Variants in PCDHA12 observed in about 807,000 individuals in gnomAD.
The protein encoded by PCDHA12 is protocadherin alpha-12.
A neutral mutation model predicts 60.0 loss-of-function variants in PCDHA12; 44 were observed. The ratio of observed to expected loss-of-function variants is 0.73; its 90% CI spans 0.58 to 0.94. PCDHA12 has a LOEUF of 0.94. Ranked by LOEUF, PCDHA12 falls within the 40% of genes least tolerant of loss-of-function variation. The pLI, the probability that PCDHA12 is intolerant of heterozygous loss-of-function variation, is 0.00. For synonymous variants in PCDHA12, 569 were observed against 553.0 expected, an observed-to-expected ratio of 1.03 and a Z score of -0.40; for missense variants, 1,276 against 1,239.7, an observed-to-expected ratio of 1.03 and a Z score of -0.44.
intron 1 of PCDHA12, among the ~76,000 whole-genome samples, chr5:140,949,857 G>A (rs1554219193): frequency 6.6e-6 from 1 of 151,520 alleles, no homozygotes; most frequent in East Asian, 1.9e-4. Context: ...CCGCTTATCT[G>A]TTGTCTTTTG....
intron 3 of PCDHA12, among the ~76,000 whole-genome samples, chr5:141,000,421 ATTTT>A (rs34755515): frequency 0.018 from 509 of 27,798 alleles, 2 homozygotes; most frequent in African/African-American, 0.027. Context: ...ATATATATAT[ATTTT>A]TTTTTTTTTT....
At chr5:140,928,760 T>G (rs782568767) in intron 1 of PCDHA12, 6 of 1,614,060 alleles carry the variant, frequency 3.7e-6, no homozygotes, top group Non-Finnish European at 5.1e-6. Flanking sequence ...ACTGCTCGCT[T>G]AGTTCTTCCC....
chr5:140,949,685 G>A (rs1044878374), intron 1 of PCDHA12, among the ~76,000 whole-genome samples: 4 of 151,794 alleles, frequency 2.6e-5, no homozygotes, highest in East Asian at 1.9e-4. Flanking sequence ...TTGTTGAAGC[G>A]TATTGTTGGA....
rs58232896 is a variant in PCDHA12 at position 140,946,262 on chromosome 5, C to T, written c.2368-32687C>T. Among the ~76,000 whole-genome samples the T allele has an allele frequency of 3.4e-3, 520 of 151,790 alleles. 2 individuals are homozygous for T. Among genetic ancestry groups the T allele is most frequent in the African/African-American group, 0.012 (483 of 41,394 alleles). On this transcript the variant is annotated intron_variant, in intron 1 of 3. Transcript: ENST00000398631. Reference sequence around the variant, plus strand: ...AACATCATGAATCATCAGAAAAATGCGAATTAAAACCCCAATGAGATATCA... The same window carrying T: ...AACATCATGAATCATCAGAAAAATGTGAATTAAAACCCCAATGAGATATCA...
intron 2 of PCDHA12, among the ~76,000 whole-genome samples, chr5:140,981,738 A>C: frequency 6.6e-6 from 1 of 152,114 alleles, no homozygotes. Flanking sequence ...TGAGAGATTA[A>C]TATGAGTTAG....
intron 1 of PCDHA12, among the ~76,000 whole-genome samples, chr5:140,896,646 G>C (rs1330006792): frequency 6.6e-6 from 1 of 152,078 alleles, no homozygotes; most frequent in Non-Finnish European, 1.5e-5. Flanking sequence ...CAAAGTGCTA[G>C]TATTACAGGC....
chr5:140,909,935 A>G (rs2074774035), intron 1 of PCDHA12, among the ~76,000 whole-genome samples: 1 of 152,154 alleles, frequency 6.6e-6, no homozygotes, highest in Admixed American at 6.5e-5. Flanking sequence ...AATCACAGTT[A>G]CTCTGGTAAA....
chr5:140,882,852 T>C, intron 1 of PCDHA12: 2 of 1,614,216 alleles, frequency 1.2e-6, no homozygotes, highest in Non-Finnish European at 1.7e-6. Flanking sequence ...TTATCACTTG[T>C]ACTGAGGAAA....
intron 1 of PCDHA12, among the ~76,000 whole-genome samples, chr5:140,959,596 A>G (rs2095498979): frequency 6.6e-6 from 1 of 152,224 alleles, no homozygotes; most frequent in Non-Finnish European, 1.5e-5. Flanking sequence ...AGCCAAGTAT[A>G]ACATGCTTTT....
At chr5:140,998,118 G>A (rs545818682) in intron 3 of PCDHA12, among the ~76,000 whole-genome samples, 5 of 152,282 alleles carry the variant, frequency 3.3e-5, no homozygotes, top group Admixed American at 1.3e-4. Flanking sequence ...AAATTTACTT[G>A]TGAATCATAA....
At chr5:141,000,389 CTCTCTCTATA>C (rs1363755181) in intron 3 of PCDHA12, among the ~76,000 whole-genome samples, 150 of 62,510 alleles carry the variant, frequency 2.4e-3, no homozygotes, top group African/African-American at 5.3e-3. Context: ...CTCTCTCTCT[CTCTCTCTATA>C]TATATATATA....
chr5:140,956,132 C>T (rs782171826), intron 1 of PCDHA12, among the ~76,000 whole-genome samples: 1 of 152,028 alleles, frequency 6.6e-6, no homozygotes, highest in African/African-American at 2.4e-5. Context: ...ATTTGAATAC[C>T]CTTTATTTCT....
chr5:140,919,954 T>G (rs1159524037), intron 1 of PCDHA12, among the ~76,000 whole-genome samples: 2 of 149,936 alleles, frequency 1.3e-5, no homozygotes, highest in East Asian at 4.0e-4. Context: ...AAAAGTTTGT[T>G]TTGTTTTTTA....
intron 1 of PCDHA12, chr5:140,966,543 A>C (rs200134570): frequency 6.5e-6 from 3 of 461,074 alleles, no homozygotes; most frequent in Admixed American, 4.3e-5. Context: ...AGCGACTCGG[A>C]GGCGAGCGGA....
chr5:141,008,284 GC>G (rs2098367825), intron 3 of PCDHA12, among the ~76,000 whole-genome samples: 1 of 152,150 alleles, frequency 6.6e-6, no homozygotes, highest in Admixed American at 6.5e-5. Context: ...AATTGAAATA[GC>G]AGTTGTACCC....
intron 2 of PCDHA12, among the ~76,000 whole-genome samples, chr5:140,981,011 T>C (rs1363062809): frequency 6.6e-6 from 1 of 152,132 alleles, no homozygotes; most frequent in African/African-American, 2.4e-5. Flanking sequence ...CCAGGAACAC[T>C]TGAAGGCTGT....
chr5:140,963,438 CT>C (rs2095766112), intron 1 of PCDHA12, among the ~76,000 whole-genome samples: 1 of 152,242 alleles, frequency 6.6e-6, no homozygotes, highest in Admixed American at 6.5e-5. Context: ...TAACTTCATA[CT>C]CTGTTGCTAA....
At chr5:140,978,818 C>T in intron 1 of PCDHA12, 131 bp from the exon 2 acceptor site, 4 of 1,512,636 alleles carry the variant, frequency 2.6e-6, no homozygotes, top group Non-Finnish European at 3.5e-6. Flanking sequence ...TAGAGTTACA[C>T]ATGAAATGGC....
intron 1 of PCDHA12, chr5:140,883,540 G>A (rs782359917): frequency 1.9e-6 from 3 of 1,614,222 alleles, no homozygotes; most frequent in Non-Finnish European, 2.5e-6. Context: ...ATGAACTGGT[G>A]GTGACCGCGC....
Sources: allele counts gnomAD v4.1 joint callset (sites outside exome capture counted in the v4.1 genomes callset), GRCh38; gene constraint gnomAD v4.1.1; transcripts MANE v1.5; gene names NCBI Gene and HGNC (gene_info 2026-07-23, HGNC 2026-07-21).